HS2ST1: variants seen among roughly 807,000 people sequenced by gnomAD.
HS2ST1 encodes 2-O-sulfotransferase.
HS2ST1 carries 18 observed loss-of-function variants against 42.9 expected under a neutral mutation model. The ratio of observed to expected loss-of-function variants is 0.42; its 90% CI spans 0.29 to 0.62. HS2ST1 has a LOEUF of 0.62. HS2ST1 is among the 20% of genes least tolerant of loss of function. HS2ST1 has a pLI of 0.21. For synonymous variants in HS2ST1, 146 were observed against 152.9 expected, an observed-to-expected ratio of 0.95 and a Z score of 0.33; for missense variants, 334 against 433.8, an observed-to-expected ratio of 0.77 and a Z score of 2.04.
chr1:87,068,564 G>A (rs1459447103), intron 1 of HS2ST1, among the ~76,000 whole-genome samples: 2 of 152,132 alleles, frequency 1.3e-5, no homozygotes, highest in African/African-American at 4.8e-5. Context: ...TCTCCTGCCT[G>A]ATTGCCCTGG....
chr1:87,009,927 C>T (rs7534974), intron 1 of HS2ST1, among the ~76,000 whole-genome samples: 107,421 of 151,326 alleles, frequency 0.71, 39,841 homozygotes, highest in East Asian at 0.97. Context: ...CCCAGCTACT[C>T]GGGAGGCTGA....
intron 1 of HS2ST1, among the ~76,000 whole-genome samples, chr1:87,044,449 A>G (rs1650596131): frequency 6.6e-6 from 1 of 152,214 alleles, no homozygotes; most frequent in Non-Finnish European, 1.5e-5. Flanking sequence ...ACATTAATAT[A>G]CATAGTGCCA....
At chr1:86,951,182 C>G (rs1465354703) in intron 1 of HS2ST1, among the ~76,000 whole-genome samples, 2 of 152,178 alleles carry the variant, frequency 1.3e-5, no homozygotes, top group Non-Finnish European at 2.9e-5. Flanking sequence ...ATTTACATAT[C>G]AGTTCTCTAG....
At chr1:86,929,102 A>G (rs1660482579) in intron 1 of HS2ST1, among the ~76,000 whole-genome samples, 1 of 151,890 alleles carries the variant, frequency 6.6e-6, no homozygotes, top group Non-Finnish European at 1.5e-5. Context: ...TGTAAATGAT[A>G]CTTGTTTTTG....
intron 1 of HS2ST1, among the ~76,000 whole-genome samples, chr1:86,990,862 T>G (rs1648932834): frequency 9.7e-6 from 1 of 103,214 alleles, no homozygotes; most frequent in Admixed American, 1.1e-4. Context: ...TTTTTTTTAG[T>G]AGAGATGGGG....
chr1:86,945,364 T>G (rs1350498688), intron 1 of HS2ST1, among the ~76,000 whole-genome samples: 5 of 152,218 alleles, frequency 3.3e-5, no homozygotes, highest in Non-Finnish European at 7.3e-5. Flanking sequence ...TGTCATTTAT[T>G]GAATGCTTAC....
intron 1 of HS2ST1, among the ~76,000 whole-genome samples, chr1:87,071,115 T>C (rs557462677): frequency 1.3e-5 from 2 of 152,306 alleles, no homozygotes; most frequent in Admixed American, 1.3e-4. Flanking sequence ...ATCTCTCATA[T>C]ATGTACTTCT....
intron 1 of HS2ST1, among the ~76,000 whole-genome samples, chr1:86,998,940 A>G (rs1323013957): frequency 6.6e-6 from 1 of 152,162 alleles, no homozygotes; most frequent in African/African-American, 2.4e-5. Context: ...CATAATCTGC[A>G]TTTTAATAAG....
intron 1 of HS2ST1, among the ~76,000 whole-genome samples, chr1:86,990,237 A>T (rs905912697): frequency 6.6e-6 from 1 of 152,148 alleles, no homozygotes; most frequent in Non-Finnish European, 1.5e-5. Flanking sequence ...TTAAAATGCA[A>T]TGTTGTTTAT....
At chr1:87,051,641 G>A (rs1650835389) in intron 1 of HS2ST1, among the ~76,000 whole-genome samples, 1 of 152,040 alleles carries the variant, frequency 6.6e-6, no homozygotes, top group Non-Finnish European at 1.5e-5. Flanking sequence ...CTCAAATTAT[G>A]GTCAAGCATT....
At chr1:87,007,006 A>C (rs948017245) in intron 1 of HS2ST1, among the ~76,000 whole-genome samples, 4 of 152,118 alleles carry the variant, frequency 2.6e-5, no homozygotes, top group Admixed American at 2.0e-4. Flanking sequence ...AGACTAAGTG[A>C]GTAATGCTGT....
chr1:87,049,540 AGT>A (rs1180302463), intron 1 of HS2ST1, among the ~76,000 whole-genome samples: 1 of 151,898 alleles, frequency 6.6e-6, no homozygotes, highest in African/African-American at 2.4e-5. Context: ...GGTTACTTGA[AGT>A]GTGTTATTTA....
At chr1:86,947,557 A>G (rs1157842798) in intron 1 of HS2ST1, among the ~76,000 whole-genome samples, 8 of 150,584 alleles carry the variant, frequency 5.3e-5, no homozygotes, top group Admixed American at 5.3e-4. Context: ...TGCCAAATGG[A>G]CATACCCTGT....
At chr1:86,917,140 CAGAGG>C (rs1264110678) in intron 1 of HS2ST1, among the ~76,000 whole-genome samples, 1 of 152,102 alleles carries the variant, frequency 6.6e-6, no homozygotes, top group Non-Finnish European at 1.5e-5. Context: ...CCATGCCTAG[CAGAGG>C]AAACCATATT....
At chr1:87,036,589 G>T (rs575370836) in intron 1 of HS2ST1, among the ~76,000 whole-genome samples, 1 of 152,230 alleles carries the variant, frequency 6.6e-6, no homozygotes, top group African/African-American at 2.4e-5. Flanking sequence ...TAACAGTTTG[G>T]CTAGTATATT....
In HS2ST1 at chr1:87,106,354, C is replaced by G. The variant is rs1158405305; in HGVS notation, c.*1658C>G. 1.3e-5 allele frequency: 2 copies of G among 152,294 alleles called. No individual in the cohort carries two copies. Among genetic ancestry groups the G allele is most frequent in the Non-Finnish European group, 2.9e-5 (2 of 67,934 alleles). 9.4% of individuals were successfully genotyped at this position (152,294 alleles called of 1,614,324 possible). A position where few individuals can be genotyped will look rare whatever the true frequency, so the allele number is the denominator to read the frequency against. On this transcript the variant is annotated 3_prime_UTR_variant, in exon 7 of 7. Coordinates refer to ENST00000370550, the MANE Select transcript of HS2ST1 (RefSeq NM_012262.4). ...GTTAGAAATAGGCTTTGTTAGCTGACTAGGGTCAGGGAAACTTTTCTCTTC... is the reference window on the plus strand; with the variant it reads ...GTTAGAAATAGGCTTTGTTAGCTGAGTAGGGTCAGGGAAACTTTTCTCTTC...
rs1487572848 is a variant in HS2ST1 at position 87,101,152 on chromosome 1, T to G, written c.687-2280T>G. On this transcript the variant is annotated intron_variant, in intron 5 of 6. Transcript: ENST00000370550. Reference sequence around the variant, plus strand: ...TCACTTTTGTGTGTGTGTGTGTGTTTTTTGTTTTTTTTTTTTTTTTTTTTT... The same window carrying G: ...TCACTTTTGTGTGTGTGTGTGTGTTGTTTGTTTTTTTTTTTTTTTTTTTTT... 5.5e-4 allele frequency among the ~76,000 whole-genome samples: 46 copies of G among 83,382 alleles called. 1 individual carries two copies. The highest frequency in any genetic ancestry group is 2.0e-3 in the African/African-American group (37 of 18,108). 54.7% of individuals were successfully genotyped at this position (83,382 alleles called of 152,430 possible). A position where few individuals can be genotyped will look rare whatever the true frequency, so the allele number is the denominator to read the frequency against.
At chr1:87,079,879 A>ATT (rs955655287) in intron 2 of HS2ST1, among the ~76,000 whole-genome samples, 1 of 146,620 alleles carries the variant, frequency 6.8e-6, no homozygotes, top group African/African-American at 2.5e-5. Context: ...AAAAAAAAAA[A>ATT]TTTTTTTTTT....
intron 1 of HS2ST1, among the ~76,000 whole-genome samples, chr1:86,984,131 C>T (rs548486541): frequency 6.6e-6 from 1 of 152,210 alleles, no homozygotes; most frequent in East Asian, 1.9e-4. Context: ...TGCAGTATTT[C>T]TAACCTTGTA....
Sources: gnomAD v4.1 joint callset for allele counts (sites outside exome capture counted in the v4.1 genomes callset) on GRCh38, gnomAD v4.1.1 for gene constraint, MANE v1.5 for transcripts, NCBI Gene and HGNC (gene_info 2026-07-23, HGNC 2026-07-21) for gene names.